Variants in ZNF451 observed in about 807,000 individuals in gnomAD.
ZNF451 encodes E3 SUMO-protein ligase ZNF451.
Under a neutral mutation model 107.1 loss-of-function variants are expected in ZNF451, and 80 were observed. That is an observed-to-expected ratio of 0.75 (90% CI 0.62 to 0.90). The LOEUF is 0.90. ZNF451 is among the 40% of genes least tolerant of loss of function. ZNF451 has a pLI of 0.00. For synonymous variants in ZNF451, 362 were observed against 406.5 expected (o/e 0.89, Z 1.32); for missense variants, 1,107 against 1,236.2 (o/e 0.90, Z 1.57).
intron 5 of ZNF451, 100 bp from the exon 6 acceptor site, chr6:57,132,942 C>A: frequency 8.5e-7 from 1 of 1,173,678 alleles, no homozygotes; most frequent in Non-Finnish European, 1.2e-6. Flanking sequence ...CCAGTTGATG[C>A]TATGTCATAA....
chr6:57,139,614 GCA>G (rs1254557326), intron 7 of ZNF451, among the ~76,000 whole-genome samples: 4 of 152,076 alleles, frequency 2.6e-5, no homozygotes, highest in Non-Finnish European at 4.4e-5. Context: ...TTTATAACAA[GCA>G]CACACAAATA....
Position 57,147,953 on chromosome 6 carries a change from A to G in ZNF451, c.1868A>G (p.Gln623Arg), listed in dbSNP as rs780561536. 3.7e-6 allele frequency: 6 copies of G among 1,614,034 alleles called. No individual in the cohort carries two copies. Among genetic ancestry groups the G allele is most frequent in the Non-Finnish European group, 4.2e-6 (5 of 1,179,986 alleles). The part of the protein sequence containing the change: ...DMFDSQEYVK[Q>R]HCMSLASHKF... The stretch of plus-strand genomic sequence containing the variant: ...TTTGATTCCCAGGAATATGTAAAAC[A>G]GCACTGCATGTCTTTGGCAAGCCAC... The change falls in exon 10 of 15, where the codon CAG becomes CGG. Residue 623 changes from glutamine to arginine, a missense_variant. Transcript: ENST00000370706.
At chr6:57,102,381 A>G in intron 3 of ZNF451, 1 of 1,089,850 alleles carries the variant, frequency 9.2e-7, no homozygotes, top group Non-Finnish European at 1.1e-6. Flanking sequence ...AGGACCACTC[A>G]GGAATCTGAA....
chr6:57,104,090 A>AT (rs749303149), intron 3 of ZNF451: 346 of 984,262 alleles, frequency 3.5e-4, no homozygotes, highest in Non-Finnish European at 4.1e-4. Context: ...TATTTATCTT[A>AT]TTTTTCTGTA....
intron 10 of ZNF451, 51 bp downstream of exon 10, chr6:57,148,744 C>A (rs550847757): frequency 3.2e-5 from 47 of 1,488,352 alleles, no homozygotes; most frequent in Non-Finnish European, 3.8e-5. Flanking sequence ...TTGAAACTTA[C>A]AATGTACCCA....
intron 3 of ZNF451, chr6:57,104,077 T>A: frequency 1.0e-6 from 1 of 984,598 alleles, no homozygotes; most frequent in Non-Finnish European, 1.2e-6. Context: ...TATCAAGAGT[T>A]AATATTTATC....
At chr6:57,123,362 A>G (rs1830736808) in intron 3 of ZNF451, among the ~76,000 whole-genome samples, 1 of 152,260 alleles carries the variant, frequency 6.6e-6, no homozygotes, top group African/African-American at 2.4e-5. Context: ...AGGTGCAGCA[A>G]CATGGATGCA....
At position 57,141,945 on chromosome 6, in the gene ZNF451, C is replaced by G; in HGVS notation, c.857-3C>G. On this transcript the variant is annotated splice_polypyrimidine_tract_variant and splice_region_variant and intron_variant, in intron 8 of 14. Coordinates refer to ENST00000370706, the MANE Select transcript of ZNF451 (RefSeq NM_001031623.3). ...GCAAATTATAGTTTATTTTGTCTTT[C>G]AGATAACAAAGGAATTGCACATCCA... The G allele has an allele frequency of 6.2e-7, 1 of 1,611,754 alleles. No individual in the cohort carries two copies. The highest frequency in any genetic ancestry group is 1.7e-5 in the Admixed American group (1 of 59,950).
In ZNF451 at chr6:57,143,895, T is replaced by C. The variant is rs577523046; in HGVS notation, c.1004+1800T>C. Among the ~76,000 whole-genome samples the C allele has an allele frequency of 1.8e-3, 275 of 152,358 alleles. 1 individual carries two copies. Among genetic ancestry groups the C allele is most frequent in the African/African-American group, 6.1e-3 (255 of 41,586 alleles). ...GAAAAGGATTGAAATCCTGATTACA[T>C]GTTACAACCTCAATGAACTTTGAAA... On this transcript the variant is annotated intron_variant, in intron 9 of 14. Transcript: ENST00000370706.
chr6:57,135,281 G>A lies in ZNF451; in HGVS notation c.702+411G>A, dbSNP rs557007166. Among the ~76,000 whole-genome samples, 108 of 152,180 alleles carry A rather than the reference G, an allele frequency of 7.1e-4. 2 individuals carry two copies. Among genetic ancestry groups the A allele is most frequent in the African/African-American group, 2.3e-3 (94 of 41,560 alleles). On this transcript the variant is annotated intron_variant, in intron 7 of 14. Coordinates refer to ENST00000370706, the MANE Select transcript of ZNF451 (RefSeq NM_001031623.3). The stretch of plus-strand genomic sequence containing the variant: ...GAGGAATATAACTAGTATTTAAAAA[G>A]CTATGTCATATAATTCTAAGTAAGT...
intron 3 of ZNF451, chr6:57,099,474 C>CTA (rs768471694): frequency 1.1e-4 from 77 of 716,848 alleles, no homozygotes; most frequent in Non-Finnish European, 1.9e-4. Context: ...CTCAGGTGCC[C>CTA]TATACAACAG....
chr6:57,156,035 T>G (rs1197172681), intron 13 of ZNF451, among the ~76,000 whole-genome samples: 3 of 152,068 alleles, frequency 2.0e-5, no homozygotes, highest in Non-Finnish European at 4.4e-5. Context: ...AGCCTCATTT[T>G]TTTGTATTTA....
chr6:57,152,172 C>A (rs1832381639), intron 11 of ZNF451, 49 bp from the exon 12 acceptor site: 1 of 1,535,684 alleles, frequency 6.5e-7, no homozygotes, highest in African/African-American at 1.4e-5. Flanking sequence ...AATTTTTGGC[C>A]TTTCCTCTCC....
rs1829302556 is a variant in ZNF451 at position 57,096,188 on chromosome 6, T to TG, written c.106-2873_106-2872insG. On this transcript the variant is annotated intron_variant, in intron 2 of 14. Coordinates refer to ENST00000370706, the MANE Select transcript of ZNF451 (RefSeq NM_001031623.3). ...TTTCTTTCTTTCTGTTTTTTTTTTT[T>TG]TTTTTTTTTTTTTGAGATGGAGTTT... Among the ~76,000 whole-genome samples the TG allele has an allele frequency of 3.7e-5, 5 of 136,156 alleles. No individual in the cohort carries two copies. In the South Asian group the frequency reaches 1.3e-3, roughly 35 times the overall value. The allele number at this position is 136,156 out of a possible 152,430, so 89.3% of individuals were successfully genotyped here.
intron 14 of ZNF451, among the ~76,000 whole-genome samples, chr6:57,164,369 A>G (rs1763808224): frequency 6.6e-6 from 1 of 152,204 alleles, no homozygotes; most frequent in African/African-American, 2.4e-5. Flanking sequence ...CATATGATAA[A>G]TAGTATATAT....
At chr6:57,132,679 C>T (rs571571842) in intron 5 of ZNF451, among the ~76,000 whole-genome samples, 113 of 151,920 alleles carry the variant, frequency 7.4e-4, no homozygotes, top group Non-Finnish European at 1.5e-3. Context: ...AGCTGTTGAG[C>T]TTAAAGAAAA....
intron 3 of ZNF451, chr6:57,104,654 T>C: frequency 1.0e-6 from 1 of 985,288 alleles, no homozygotes; most frequent in Non-Finnish European, 1.2e-6. Context: ...TAACCATTTT[T>C]TAAGCGTATG....
intron 13 of ZNF451, among the ~76,000 whole-genome samples, chr6:57,160,322 TTCTCG>T (rs1211235274): frequency 7.9e-5 from 12 of 151,930 alleles, no homozygotes; most frequent in Non-Finnish European, 1.0e-4. Context: ...TTCTTTTCTT[TTCTCG>T]TCTCGTCTCG....
chr6:57,105,133 C>T (rs1297691957), intron 3 of ZNF451: 1 of 985,208 alleles, frequency 1.0e-6, no homozygotes, highest in African/African-American at 1.7e-5. Flanking sequence ...TCATATTATG[C>T]CTGCCATGTT....
Sources: gnomAD v4.1 joint callset for allele counts (sites outside exome capture counted in the v4.1 genomes callset) on GRCh38, gnomAD v4.1.1 for gene constraint, MANE v1.5 for transcripts, NCBI Gene and HGNC (gene_info 2026-07-23, HGNC 2026-07-21) for gene names.